Variants in TRIT1 observed in about 807,000 individuals in gnomAD.
TRIT1 encodes tRNA dimethylallyltransferase.
Under a neutral mutation model 51.2 loss-of-function variants are expected in TRIT1, and 43 were observed. The observed-to-expected ratio is 0.84, with a 90% CI of 0.66 to 1.08. The LOEUF (loss-of-function observed/expected upper bound fraction) is 1.08, where lower values mean the gene tolerates loss of function less well. TRIT1 is among the 50% of genes least tolerant of loss of function. The pLI is 0.00. For synonymous variants in TRIT1, 184 were observed against 203.9 expected, an observed-to-expected ratio of 0.90 and a Z score of 0.83; for missense variants, 528 against 578.4, an observed-to-expected ratio of 0.91 and a Z score of 0.89.
chr1:39,878,290 T>C (rs181578429), intron 1 of TRIT1, among the ~76,000 whole-genome samples: 27 of 152,344 alleles, frequency 1.8e-4, no homozygotes, highest in African/African-American at 5.3e-4. Context: ...ATGATCACCA[T>C]AGACACAATA....
intron 1 of TRIT1, among the ~76,000 whole-genome samples, chr1:39,870,617 G>GAA (rs35350354): frequency 2.1e-4 from 25 of 121,362 alleles, no homozygotes; most frequent in Non-Finnish European, 3.3e-4. Flanking sequence ...GAAATTAAAA[G>GAA]AAAAAAAAAA....
rs1652456235 is a variant in TRIT1 at position 39,838,481 on chromosome 1, T to C, written c.*3263A>G. On this transcript the variant is annotated 3_prime_UTR_variant, in exon 11 of 11. Transcript: ENST00000316891. The stretch of plus-strand genomic sequence containing the variant: ...GGGGAGGGGGTTGTTAGTTTTATTT[T>C]CTTTTTGAGCAACATGGTCTTGCTC... Among the ~76,000 whole-genome samples the C allele has an allele frequency of 6.6e-6, 1 of 152,022 alleles. No homozygotes were observed. Among genetic ancestry groups the C allele is most frequent in the African/African-American group, 2.4e-5 (1 of 41,442 alleles).
At chr1:39,872,794 AAGAG>A (rs1283380920) in intron 1 of TRIT1, among the ~76,000 whole-genome samples, 3 of 112,362 alleles carry the variant, frequency 2.7e-5, no homozygotes, top group Non-Finnish European at 3.5e-5. Context: ...GAGAGAGAGA[AAGAG>A]AGAGAAAGGA....
intron 4 of TRIT1, among the ~76,000 whole-genome samples, chr1:39,850,940 T>C (rs567701071): frequency 5.9e-5 from 9 of 152,316 alleles, no homozygotes; most frequent in Non-Finnish European, 1.3e-4. Flanking sequence ...AGAACTCACA[T>C]ACTTATTCTT....
chr1:39,843,431 G>A (rs1642034982), intron 10 of TRIT1, among the ~76,000 whole-genome samples: 1 of 152,186 alleles, frequency 6.6e-6, no homozygotes, highest in Non-Finnish European at 1.5e-5. Flanking sequence ...TGATGTGTGT[G>A]CAGTGTGACT....
chr1:39,848,823 AAAC>A (rs1569990149), intron 5 of TRIT1, among the ~76,000 whole-genome samples: 1 of 151,000 alleles, frequency 6.6e-6, no homozygotes, highest in Non-Finnish European at 1.5e-5. Context: ...ACTCTGTCTC[AAAC>A]AAAAAAAAAA....
intron 1 of TRIT1, among the ~76,000 whole-genome samples, chr1:39,863,120 G>A (rs367714162): frequency 6.6e-6 from 1 of 152,112 alleles, no homozygotes; most frequent in Non-Finnish European, 1.5e-5. Flanking sequence ...TTTACTAAGC[G>A]TCTACTATGT....
chr1:39,870,205 C>CT (rs1395834156), intron 1 of TRIT1, among the ~76,000 whole-genome samples: 1 of 152,142 alleles, frequency 6.6e-6, no homozygotes, highest in Non-Finnish European at 1.5e-5. Flanking sequence ...AATCTATGGC[C>CT]TTACCCCCAA....
At position 39,852,722 on chromosome 1, in the gene TRIT1, C is replaced by G. The variant is rs1642656127; in HGVS notation, c.560+9G>C. 6.2e-6 allele frequency: 10 copies of G among 1,612,618 alleles called. No individual in the cohort carries two copies. The highest frequency in any genetic ancestry group is 5.9e-6 in the Non-Finnish European group (7 of 1,179,406). ...AGGAATTTGGGGTCAGCGCGCCAGG[C>G]TTTCTTACCTGGCCACTTTGCGTTT... On this transcript the variant is annotated intron_variant, in intron 4 of 10. Coordinates refer to ENST00000316891, the MANE Select transcript of TRIT1 (RefSeq NM_017646.6).
chr1:39,867,280 G>A (rs969336345), intron 1 of TRIT1, among the ~76,000 whole-genome samples: 2 of 152,072 alleles, frequency 1.3e-5, no homozygotes, highest in Non-Finnish European at 2.9e-5. Context: ...CGAGTGGCTG[G>A]GATTATAGGC....
chr1:39,880,917 T>TAC (rs1644241148), intron 1 of TRIT1, among the ~76,000 whole-genome samples: 3 of 151,866 alleles, frequency 2.0e-5, no homozygotes. Context: ...CCCAGTAACC[T>TAC]ACTTAAAAAC....
At chr1:39,852,265 C>T (rs1262877731) in intron 4 of TRIT1, among the ~76,000 whole-genome samples, 1 of 152,118 alleles carries the variant, frequency 6.6e-6, no homozygotes, top group Non-Finnish European at 1.5e-5. Context: ...CATTCACTAC[C>T]TCTCTTCCCT....
At chr1:39,863,244 C>G (rs1418458898) in intron 1 of TRIT1, among the ~76,000 whole-genome samples, 3 of 152,180 alleles carry the variant, frequency 2.0e-5, no homozygotes, top group Admixed American at 2.0e-4. Flanking sequence ...GTAGGAGGAT[C>G]ACTTGAGACC....
At chr1:39,879,504 T>G (rs1644176070) in intron 1 of TRIT1, among the ~76,000 whole-genome samples, 1 of 149,316 alleles carries the variant, frequency 6.7e-6, no homozygotes. Flanking sequence ...ATATATATAT[T>G]TATCACCAGC....
intron 1 of TRIT1, among the ~76,000 whole-genome samples, chr1:39,860,895 T>C (rs1266074327): frequency 6.6e-6 from 1 of 152,120 alleles, no homozygotes; most frequent in Non-Finnish European, 1.5e-5. Context: ...CTGACCAACA[T>C]GGTGAAACCC....
At chr1:39,872,068 ATTTTTTT>A (rs59839907) in intron 1 of TRIT1, among the ~76,000 whole-genome samples, 24,345 of 114,080 alleles carry the variant, frequency 0.21, 2,482 homozygotes, top group Non-Finnish European at 0.28. Flanking sequence ...GGCCTGACTA[ATTTTTTT>A]TTTTTTTTTT....
chr1:39,848,159 T>G lies in TRIT1; in HGVS notation c.704-62A>C. On this transcript the variant is annotated intron_variant, in intron 5 of 10. Coordinates refer to ENST00000316891, the MANE Select transcript of TRIT1 (RefSeq NM_017646.6). ...TGTAGGTACCTACTATATACTTACA[T>G]GACGAGTGAACAGGTGGTCACAAAA... is the stretch of plus-strand genomic sequence containing the variant. 3.2e-6 allele frequency: 4 copies of G among 1,238,532 alleles called. No individual in the cohort carries two copies. The South Asian group carries it at 4.9e-5, about 15-fold the overall frequency. The allele number at this position is 1,238,532 out of a possible 1,614,324, so 76.7% of individuals were successfully genotyped here.
At chr1:39,878,782 A>G (rs1644150282) in intron 1 of TRIT1, among the ~76,000 whole-genome samples, 4 of 152,202 alleles carry the variant, frequency 2.6e-5, no homozygotes, top group Admixed American at 2.6e-4. Context: ...ACTTGACATT[A>G]GATTCTATTA....
intron 5 of TRIT1, 100 bp downstream of exon 5, chr1:39,850,019 T>C: frequency 1.5e-6 from 2 of 1,305,572 alleles, no homozygotes; most frequent in Non-Finnish European, 2.1e-6. Flanking sequence ...TTGTTTAGTG[T>C]TTATTATGAG....
Sources: gnomAD v4.1 joint callset for allele counts (sites outside exome capture counted in the v4.1 genomes callset) on GRCh38, gnomAD v4.1.1 for gene constraint, MANE v1.5 for transcripts, NCBI Gene and HGNC (gene_info 2026-07-23, HGNC 2026-07-21) for gene names.